Variants in TAF4 observed in about 807,000 individuals in gnomAD.
The protein encoded by TAF4 is TATA-box binding protein associated factor 4.
TAF4 carries 9 observed loss-of-function variants against 90.3 expected under a neutral mutation model. The ratio of observed to expected loss-of-function variants is 0.10; its 90% CI spans 0.06 to 0.17. The LOEUF is 0.17. Among genes scored for constraint, TAF4 ranks in the 10% least tolerant of loss-of-function variants. TAF4 has a pLI of 1.00. For synonymous variants in TAF4, 818 were observed against 638.9 expected, an observed-to-expected ratio of 1.28 and a Z score of -4.23; for missense variants, 1,351 against 1,370.7, an observed-to-expected ratio of 0.99 and a Z score of 0.23.
chr20:61,987,444 C>T (rs1378537864), intron 14 of TAF4, among the ~76,000 whole-genome samples: 3 of 152,190 alleles, frequency 2.0e-5, no homozygotes, highest in African/African-American at 7.2e-5. Context: ...CCAAAATATA[C>T]CAAGAACTCC....
intron 2 of TAF4, among the ~76,000 whole-genome samples, chr20:62,013,906 G>GGTGTGTGTGTGTGTGT (rs56801841): frequency 3.7e-5 from 4 of 107,346 alleles, no homozygotes; most frequent in Non-Finnish European, 7.5e-5. Context: ...GGCTGACGCG[G>GGTGTGTGTGTGTGTGT]GTGTGTGTGT....
In TAF4 at chr20:62,003,892, A is replaced by C; in HGVS notation, c.2224-14T>G. 6.5e-7 allele frequency: 1 copy of C among 1,541,122 alleles called. No homozygotes were observed. Among genetic ancestry groups the C allele is most frequent in the Non-Finnish European group, 8.7e-7 (1 of 1,147,660 alleles). On this transcript the variant is annotated splice_polypyrimidine_tract_variant and intron_variant, in intron 7 of 14. Transcript: ENST00000252996. ...CTGCTGGATGACCTGAGGCAGAGCCAGCAGAGAATGGTGAGCATGCTCCCC... is the reference window on the plus strand; with the variant it reads ...CTGCTGGATGACCTGAGGCAGAGCCCGCAGAGAATGGTGAGCATGCTCCCC...
At chr20:62,053,251 G>A (rs933178394) in intron 1 of TAF4, among the ~76,000 whole-genome samples, 5 of 152,200 alleles carry the variant, frequency 3.3e-5, no homozygotes, top group African/African-American at 4.8e-5. Context: ...GCGTCTAATC[G>A]ATGGTGGGGC....
chr20:61,998,344 A>T, intron 12 of TAF4, 152 bp from the exon 13 acceptor site: 1 of 750,060 alleles, frequency 1.3e-6, no homozygotes, highest in Non-Finnish European at 2.0e-6. Flanking sequence ...CAAAGATGAA[A>T]ATTTACATCA....
chr20:62,005,238 G>A (rs1398929439), intron 7 of TAF4: 1 of 152,252 alleles, frequency 6.6e-6, no homozygotes, highest in Non-Finnish European at 1.5e-5. Context: ...ATCGAATCAG[G>A]GAGAAGCCTG....
intron 1 of TAF4, among the ~76,000 whole-genome samples, chr20:62,024,893 T>G (rs968991970): frequency 2.7e-5 from 4 of 149,058 alleles, no homozygotes; most frequent in African/African-American, 9.8e-5. Flanking sequence ...AAGTGGGCAA[T>G]TGAATAGACC....
intron 1 of TAF4, among the ~76,000 whole-genome samples, chr20:62,039,393 G>GA (rs1462006424): frequency 2.0e-5 from 3 of 152,152 alleles, no homozygotes; most frequent in Non-Finnish European, 4.4e-5. Context: ...GGTAACCACA[G>GA]AAAAAATGAG....
intron 1 of TAF4, among the ~76,000 whole-genome samples, chr20:62,056,721 A>G (rs895351233): frequency 6.6e-6 from 1 of 152,148 alleles, no homozygotes; most frequent in Non-Finnish European, 1.5e-5. Flanking sequence ...GACACCCCGA[A>G]ATTTTAGCAG....
chr20:62,047,547 G>C (rs1359521635), intron 1 of TAF4, among the ~76,000 whole-genome samples: 4 of 152,156 alleles, frequency 2.6e-5, no homozygotes, highest in Non-Finnish European at 2.9e-5. Context: ...AAGGGGCGCT[G>C]AGAAGAGTAA....
rs954231233 is a variant in TAF4 at position 62,010,444 on chromosome 20, C to T, written c.1642-279G>A. On this transcript the variant is annotated intron_variant, in intron 3 of 14. Coordinates refer to ENST00000252996, the MANE Select transcript of TAF4 (RefSeq NM_003185.4). This position sits in a 1 kb window ranked among gnomAD's most constrained non-coding sequence, Gnocchi z 4.5. Reference sequence around the variant, plus strand: ...TCACAAAGCCAGGCACTGCAGAGACCCCAGTCCTCAGAAGTCCATGGAAAA... The same window carrying T: ...TCACAAAGCCAGGCACTGCAGAGACTCCAGTCCTCAGAAGTCCATGGAAAA... Among the ~76,000 whole-genome samples the T allele has an allele frequency of 6.6e-6, 1 of 152,040 alleles. No homozygotes were observed. Among genetic ancestry groups the T allele is most frequent in the African/African-American group, 2.4e-5 (1 of 41,382 alleles).
chr20:62,032,591 C>T (rs925405517), intron 1 of TAF4, among the ~76,000 whole-genome samples: 1 of 152,232 alleles, frequency 6.6e-6, no homozygotes, highest in African/African-American at 2.4e-5. Flanking sequence ...CACTCAACTC[C>T]CAATGTTCTG....
In TAF4 at chr20:62,010,937, T is replaced by C. The variant is rs1045008904; in HGVS notation, c.1642-772A>G. 6.6e-6 allele frequency among the ~76,000 whole-genome samples: 1 copy of C among 152,260 alleles called. No homozygotes were observed. Among genetic ancestry groups the C allele is most frequent in the Admixed American group, 6.5e-5 (1 of 15,288 alleles). On this transcript the variant is annotated intron_variant, in intron 3 of 14. Transcript: ENST00000252996. The surrounding 1 kb of genome is among the most constrained non-coding windows in gnomAD (Gnocchi z 4.5). ...ATTTTAAACTAGTACTTTTCCAATG[T>C]ATAAATCTAGCAGTCAACATTTTCT...
chr20:61,996,315 C>T (rs1037796594), intron 14 of TAF4, among the ~76,000 whole-genome samples: 2 of 151,252 alleles, frequency 1.3e-5, no homozygotes, highest in East Asian at 2.0e-4. Flanking sequence ...CCGGGGATGT[C>T]GAGGCTACAG....
intron 14 of TAF4, among the ~76,000 whole-genome samples, chr20:61,988,403 GA>G (rs1407120883): frequency 6.6e-6 from 1 of 152,172 alleles, no homozygotes; most frequent in African/African-American, 2.4e-5. Flanking sequence ...TAAATTAAGG[GA>G]AAAAATCAAA....
chr20:62,001,684 G>A (rs2055704840), intron 9 of TAF4, among the ~76,000 whole-genome samples: 1 of 152,166 alleles, frequency 6.6e-6, no homozygotes, highest in Non-Finnish European at 1.5e-5. Flanking sequence ...GTCACGGGCT[G>A]TGGCTGGGCT....
intron 1 of TAF4, 82 bp from the exon 2 acceptor site, chr20:62,014,789 G>A: frequency 6.5e-7 from 1 of 1,541,034 alleles, no homozygotes; most frequent in East Asian, 2.3e-5. Flanking sequence ...AGGGGAAGCT[G>A]ACAGCTGTGA....
At position 62,065,234 on chromosome 20, in the gene TAF4, C is replaced by T. The variant is rs745544462; in HGVS notation, c.577G>A (p.Gly193Ser). The T allele has an allele frequency of 9.1e-6, 10 of 1,094,484 alleles. No individual in the cohort carries two copies. The South Asian group carries it at 1.8e-4, about 19-fold the overall frequency. The allele number at this position is 1,094,484 out of a possible 1,614,324, so 67.8% of individuals were successfully genotyped here. A position where few individuals can be genotyped will look rare whatever the true frequency, so the allele number is the denominator to read the frequency against. Residue 193 changes from glycine to serine, a missense_variant, in exon 1 of 15, where the codon GGC (glycine) becomes AGC (serine). Gly to Ser is a moderately conservative substitution (Grantham distance 56, BLOSUM62 0). This residue lies in a region of TAF4 where 782 missense variants were observed against 536.6 expected (regional missense o/e 1.46). Coordinates refer to ENST00000252996, the MANE Select transcript of TAF4 (RefSeq NM_003185.4). ...GPGPGKPAGP[G>S]AAQTLNGSAA... ...CTCCCATTCAAAGTTTGCGCGGCGC[C>T]GGGGCCGGCGGGCTTGCCAGGGCCA... is the stretch of plus-strand genomic sequence containing the variant.
At position 62,064,845 on chromosome 20, in the gene TAF4, G is replaced by A. The variant is rs1311793763; in HGVS notation, c.966C>T (p.Pro322=). ...APAPAPAAGG[P]AGVSGQPGPG... ...GCCCGGGTTGGCCGCTGACCCCCGC[G>A]GGGCCCCCGGCGGCCGGGGCGGGGG... The change falls in exon 1 of 15, where the codon CCC becomes CCT. Residue 322 remains proline (P), a synonymous_variant. Transcript: ENST00000252996. 4.1e-6 allele frequency: 4 copies of A among 968,848 alleles called. No homozygotes were observed. The highest frequency in any genetic ancestry group is 2.4e-4 in the East Asian group (2 of 8,308). The allele number at this position is 968,848 out of a possible 1,614,324, so 60.0% of individuals were successfully genotyped here.
rs2055490268 is a variant in TAF4 at position 61,975,767 on chromosome 20, A to C, written c.*401T>G. 6.0e-6 allele frequency: 1 copy of C among 166,544 alleles called. No individual in the cohort carries two copies. The highest frequency in any genetic ancestry group is 2.4e-5 in the African/African-American group (1 of 41,788). The allele number at this position is 166,544 out of a possible 1,614,324, so 10.3% of individuals were successfully genotyped here. On this transcript the variant is annotated 3_prime_UTR_variant, in exon 15 of 15. Coordinates refer to ENST00000252996, the MANE Select transcript of TAF4 (RefSeq NM_003185.4). ...AACTGACTATTACAAAAATAAAATAAACGAAATGAGGTCATCGGCTGTAGA... is the reference window on the plus strand; with the variant it reads ...AACTGACTATTACAAAAATAAAATACACGAAATGAGGTCATCGGCTGTAGA...
Sources: gnomAD v4.1 joint callset for allele counts (sites outside exome capture counted in the v4.1 genomes callset) on GRCh38, gnomAD v4.1.1 for gene constraint, gnomAD v4.1.1 regional missense constraint, Gnocchi (gnomAD v3.1) non-coding constraint, MANE v1.5 for transcripts, NCBI Gene and HGNC (gene_info 2026-07-23, HGNC 2026-07-21) for gene names.